Variants in CLSTN2 observed in about 807,000 individuals in gnomAD.
The protein encoded by CLSTN2 is calsyntenin 2, also known as calsyntenin-2.
A neutral mutation model predicts 101.2 loss-of-function variants in CLSTN2; 48 were observed. The observed-to-expected ratio is 0.47, with a 90% CI of 0.38 to 0.60. CLSTN2 has a LOEUF of 0.60. CLSTN2 is among the 20% of genes least tolerant of loss of function. The pLI is 0.00. For synonymous variants in CLSTN2, 481 were observed against 463.6 expected (o/e 1.04, Z -0.48); for missense variants, 1,160 against 1,238.2 (o/e 0.94, Z 0.95).
At chr3:140,047,689 G>A (rs1188829037) in intron 1 of CLSTN2, among the ~76,000 whole-genome samples, 1 of 152,206 alleles carries the variant, frequency 6.6e-6, no homozygotes, top group Non-Finnish European at 1.5e-5. Flanking sequence ...CGCAGGTAGT[G>A]CAGGGCATCC....
intron 2 of CLSTN2, among the ~76,000 whole-genome samples, chr3:140,241,880 T>TAC (rs1219976223): frequency 2.2e-3 from 315 of 140,070 alleles, no homozygotes; most frequent in African/African-American, 7.9e-3. Context: ...CATATATATA[T>TAC]ACACACACAC....
intron 5 of CLSTN2, among the ~76,000 whole-genome samples, chr3:140,434,254 G>T (rs1307089260): frequency 1.3e-5 from 2 of 152,190 alleles, no homozygotes; most frequent in Non-Finnish European, 2.9e-5. Context: ...GCTGGCCGAG[G>T]TTGGCCCCAG....
chr3:140,230,838 G>A (rs371424662), intron 2 of CLSTN2, among the ~76,000 whole-genome samples: 7 of 152,104 alleles, frequency 4.6e-5, no homozygotes, highest in East Asian at 1.9e-4. Flanking sequence ...GCTGGTATCC[G>A]TGCAGGGAAT....
intron 5 of CLSTN2, among the ~76,000 whole-genome samples, chr3:140,434,188 C>A (rs2107999804): frequency 6.6e-6 from 1 of 152,302 alleles, no homozygotes; most frequent in East Asian, 1.9e-4. Context: ...CCCCTTCTCC[C>A]CACATCTACC....
intron 12 of CLSTN2, among the ~76,000 whole-genome samples, chr3:140,559,538 G>A (rs1269994326): frequency 8.0e-6 from 1 of 125,030 alleles, no homozygotes; most frequent in African/African-American, 3.0e-5. Context: ...GAAAGCTATA[G>A]TATATGCTGG....
At chr3:139,961,716 G>A (rs772000836) in intron 1 of CLSTN2, among the ~76,000 whole-genome samples, 1 of 151,964 alleles carries the variant, frequency 6.6e-6, no homozygotes, top group Non-Finnish European at 1.5e-5. Context: ...CTTAAATATT[G>A]TTTATTTATT....
chr3:140,484,188 G>T (rs1012197979), intron 8 of CLSTN2, among the ~76,000 whole-genome samples: 1 of 152,174 alleles, frequency 6.6e-6, no homozygotes, highest in East Asian at 1.9e-4. Context: ...GCATTTGCTT[G>T]TCTGCAAAGG....
intron 2 of CLSTN2, among the ~76,000 whole-genome samples, chr3:140,185,592 A>C (rs1235603649): frequency 2.0e-5 from 3 of 152,174 alleles, no homozygotes; most frequent in African/African-American, 7.2e-5. Context: ...CCCAAGCTGC[A>C]ACCTAACTTG....
intron 8 of CLSTN2, among the ~76,000 whole-genome samples, chr3:140,467,975 GTGACAAGATTAAGGA>G (rs754164974): frequency 6.6e-6 from 1 of 152,236 alleles, no homozygotes; most frequent in Non-Finnish European, 1.5e-5. Flanking sequence ...TCCAGGCAAT[GTGACAAGATTAAGGA>G]TGCCAAGCTG....
chr3:140,114,917 C>T (rs1189917591), intron 1 of CLSTN2, among the ~76,000 whole-genome samples: 1 of 152,186 alleles, frequency 6.6e-6, no homozygotes, highest in African/African-American at 2.4e-5. Context: ...ATTGCTGGGA[C>T]ACTCTCAGTG....
At chr3:140,199,815 C>T (rs1305848064) in intron 2 of CLSTN2, among the ~76,000 whole-genome samples, 2 of 152,176 alleles carry the variant, frequency 1.3e-5, no homozygotes, top group African/African-American at 4.8e-5. Context: ...TGAGTAAGTG[C>T]CCCTGGCCAT....
intron 4 of CLSTN2, among the ~76,000 whole-genome samples, chr3:140,407,243 G>C (rs1051537264): frequency 6.6e-6 from 1 of 152,192 alleles, no homozygotes; most frequent in African/African-American, 2.4e-5. Flanking sequence ...CATAAGGAAA[G>C]TGCTTCTGAA....
chr3:140,289,329 T>TG (rs1223697586), intron 2 of CLSTN2, among the ~76,000 whole-genome samples: 7 of 110,820 alleles, frequency 6.3e-5, no homozygotes, highest in Non-Finnish European at 1.1e-4. Context: ...TGGTTTTGTG[T>TG]TTTTTTTTGT....
chr3:140,326,750 T>G (rs759010566), intron 2 of CLSTN2, among the ~76,000 whole-genome samples: 1 of 152,216 alleles, frequency 6.6e-6, no homozygotes, highest in Non-Finnish European at 1.5e-5. Flanking sequence ...AGGGTCGGAC[T>G]GTAATCTACA....
intron 8 of CLSTN2, among the ~76,000 whole-genome samples, chr3:140,491,660 A>C (rs1442966803): frequency 1.3e-5 from 2 of 152,084 alleles, no homozygotes; most frequent in African/African-American, 4.8e-5. Context: ...CTCTCTAATA[A>C]GAATCCAAAA....
rs770923656 is a variant in CLSTN2 at position 140,459,747 on chromosome 3, C to A, written c.1200C>A (p.Ile400=). The A allele has an allele frequency of 1.2e-6, 2 of 1,614,020 alleles. No individual in the cohort carries two copies. The highest frequency in any genetic ancestry group is 8.5e-7 in the Non-Finnish European group (1 of 1,180,000). ...GTGTGAGAGCCGAGAAGGAAACCAT[C>A]CTCTGCAACTCAGACAAAACCGGTG... ...SPGVRAEKET[I]LCNSDKTEMN... is the part of the protein sequence containing the mutation. Residue 400 remains isoleucine (I), a synonymous_variant, in exon 7 of 17, where the codon ATC becomes ATA. Coordinates refer to ENST00000458420, the MANE Select transcript of CLSTN2 (RefSeq NM_022131.3).
chr3:139,966,408 C>G (rs1935598949), intron 1 of CLSTN2, among the ~76,000 whole-genome samples: 2 of 152,326 alleles, frequency 1.3e-5, no homozygotes, highest in South Asian at 4.1e-4. Context: ...TGTACTTCCC[C>G]TATTATGCCT....
At chr3:140,556,722 A>T in intron 11 of CLSTN2, 61 bp downstream of exon 11, 2 of 1,543,144 alleles carry the variant, frequency 1.3e-6, no homozygotes, top group South Asian at 2.3e-5. Context: ...GTCCCAACTG[A>T]GGTCCCTTGG....
intron 2 of CLSTN2, among the ~76,000 whole-genome samples, chr3:140,183,070 C>T (rs1270390431): frequency 6.6e-6 from 1 of 152,154 alleles, no homozygotes; most frequent in Non-Finnish European, 1.5e-5. Flanking sequence ...CCATGGGTTT[C>T]ATGGTCTGAT....
Sources: gnomAD v4.1 joint callset for allele counts (sites outside exome capture counted in the v4.1 genomes callset) on GRCh38, gnomAD v4.1.1 for gene constraint, MANE v1.5 for transcripts, NCBI Gene and HGNC (gene_info 2026-07-23, HGNC 2026-07-21) for gene names.